AP2A1: variants seen among roughly 807,000 people sequenced by gnomAD.
AP2A1 encodes the protein adaptor related protein complex 2 subunit alpha 1, also known as AP-2 complex subunit alpha-1.
AP2A1 carries 21 observed loss-of-function variants against 107.3 expected under a neutral mutation model. That is an observed-to-expected ratio of 0.20 (90% CI 0.14 to 0.28). The LOEUF is 0.28. AP2A1 is among the 10% of genes least tolerant of loss of function. The pLI, the probability that AP2A1 is intolerant of heterozygous loss-of-function variation, is 1.00. For synonymous variants in AP2A1, 602 were observed against 564.8 expected (o/e 1.07, Z -0.93); for missense variants, 873 against 1,307.7 (o/e 0.67, Z 5.13).
intron 1 of AP2A1, among the ~76,000 whole-genome samples, chr19:49,777,385 T>C (rs186413325): frequency 2.6e-5 from 4 of 151,588 alleles, no homozygotes; most frequent in East Asian, 2.0e-4. Context: ...CCTGTAATCA[T>C]AGCACTTTGG....
At chr19:49,786,660 GCTAAGAA>G (rs1484083203) in intron 4 of AP2A1, among the ~76,000 whole-genome samples, 2 of 152,218 alleles carry the variant, frequency 1.3e-5, no homozygotes, top group African/African-American at 4.8e-5. Context: ...GACTCAGAAT[GCTAAGAA>G]CTTTGATGGA....
chr19:49,800,090 G>C lies in AP2A1; in HGVS notation c.1395G>C (p.Val465=). Residue 465 remains valine, a synonymous_variant, in exon 11 of 23, where the codon GTG becomes GTC. Transcript: ENST00000354293. ...DYVSEEVWYR[V]LQIVTNRDDV... is the part of the protein sequence containing the mutation. ...TGAGTGAGGAGGTGTGGTACCGTGT[G>C]CTACAGATCGTCACCAACCGTGATG... 2 of 1,613,944 alleles carry C rather than the reference G, an allele frequency of 1.2e-6. No individual in the cohort carries two copies. Among genetic ancestry groups the C allele is most frequent in the Non-Finnish European group, 8.5e-7 (1 of 1,179,838 alleles).
At chr19:49,781,718 C>T (rs750176086) in intron 1 of AP2A1, 39 bp from the exon 2 acceptor site, 30 of 1,558,500 alleles carry the variant, frequency 1.9e-5, no homozygotes, top group African/African-American at 4.1e-5. Flanking sequence ...GGCTGACTCC[C>T]CAGACCCCTC....
chr19:49,806,019 G>C, intron 21 of AP2A1, 78 bp downstream of exon 21: 1 of 1,611,278 alleles, frequency 6.2e-7, no homozygotes. Flanking sequence ...CTGTAAAGTG[G>C]GGCCAATTCC....
chr19:49,796,036 G>A (rs1029064078), intron 7 of AP2A1: 2 of 342,550 alleles, frequency 5.8e-6, no homozygotes, highest in Admixed American at 4.4e-5. Flanking sequence ...TTATAGATGA[G>A]GAATCTGAGG....
rs76596279 is a variant in AP2A1, at chr19:49,787,925, C to T, written c.474-4010C>T. 3.8e-3 allele frequency among the ~76,000 whole-genome samples: 574 copies of T among 152,224 alleles called. 3 individuals are homozygous for T. The highest frequency in any genetic ancestry group is 0.012 in the African/African-American group (509 of 41,528). ...TTCTTCCACTCAACAAGATGTTTTT[C>T]AGGTTCATCCACATTGTGGTGCATA... On this transcript the variant is annotated intron_variant, in intron 4 of 22. Coordinates refer to ENST00000354293, the MANE Select transcript of AP2A1 (RefSeq NM_130787.3).
intron 1 of AP2A1, among the ~76,000 whole-genome samples, chr19:49,775,942 G>A (rs1051314863): frequency 1.3e-5 from 2 of 152,172 alleles, no homozygotes; most frequent in African/African-American, 4.8e-5. Flanking sequence ...GGGCTTACAT[G>A]TTTAGGGAAG....
In AP2A1 at chr19:49,802,123, C is replaced by G; in HGVS notation, c.2096C>G (p.Pro699Arg). The G allele has an allele frequency of 1.1e-5, 18 of 1,575,546 alleles. No homozygotes were observed. The highest frequency in any genetic ancestry group is 1.8e-5 in the Admixed American group (1 of 56,478). ...GCCCAGCCCAGCCTGGGGCCCACCC[C>G]CGAGGAGGCCTTCCTCAGGTAGCAC... is the stretch of plus-strand genomic sequence containing the variant. ...PAAQPSLGPT[P>R]EEAFLSPGPE... is the part of the protein sequence containing the mutation. The change falls in exon 15 of 23, where the codon CCC (proline) becomes CGC (arginine). Residue 699 changes from proline (P) to arginine (R), a missense_variant. Around this residue, in one of 4 missense-constraint regions of AP2A1, gnomAD observed 416 missense variants for 473.4 expected, o/e 0.88. Coordinates refer to ENST00000354293, the MANE Select transcript of AP2A1 (RefSeq NM_130787.3).
At position 49,788,013 on chromosome 19, in the gene AP2A1, C is replaced by T. The variant is rs2073095444; in HGVS notation, c.474-3922C>T. ...CCAGGCTGGAGTGCAGTGGCATGAT[C>T]ATAGCTAACTGCAGCCCTGACCTCC... On this transcript the variant is annotated intron_variant, in intron 4 of 22. Coordinates refer to ENST00000354293, the MANE Select transcript of AP2A1 (RefSeq NM_130787.3). The surrounding 1 kb of genome is among the most constrained non-coding windows in gnomAD (Gnocchi z 4.5). 6.6e-6 allele frequency among the ~76,000 whole-genome samples: 1 copy of T among 152,224 alleles called. No individual in the cohort carries two copies. Among genetic ancestry groups the T allele is most frequent in the South Asian group, 2.1e-4 (1 of 4,832 alleles).
At position 49,767,160 on chromosome 19, in the gene AP2A1, G is replaced by C. The variant is rs983840372; in HGVS notation, c.27G>C (p.Gly9=). ...TGCCGGCCGTGTCCAAGGGCGATGG[G>C]ATGCGGGGGCTCGCGGTGTTCATCT... MPAVSKGD[G]MRGLAVFISD... Residue 9 remains glycine (G), a synonymous_variant, in exon 1 of 23, where the codon GGG becomes GGC. Coordinates refer to ENST00000354293, the MANE Select transcript of AP2A1 (RefSeq NM_130787.3). The C allele has an allele frequency of 3.7e-6, 6 of 1,612,048 alleles. No individual in the cohort carries two copies. The African/African-American group carries it at 6.7e-5, about 18-fold the overall frequency.
chr19:49,770,219 G>A (rs2123657695), intron 1 of AP2A1, among the ~76,000 whole-genome samples: 1 of 152,252 alleles, frequency 6.6e-6, no homozygotes, highest in East Asian at 1.9e-4. Flanking sequence ...GGGATTTGAT[G>A]ATGGGGGTTG....
intron 6 of AP2A1, 48 bp from the exon 7 acceptor site, chr19:49,795,582 G>A (rs1298386263): frequency 1.4e-6 from 1 of 692,052 alleles, no homozygotes; most frequent in Non-Finnish European, 2.7e-6. Context: ...GGACCCACGT[G>A]CCCCTCCCAC....
intron 4 of AP2A1, among the ~76,000 whole-genome samples, chr19:49,789,438 G>A (rs1231004296): frequency 3.3e-5 from 5 of 151,988 alleles, no homozygotes; most frequent in African/African-American, 7.3e-5. Flanking sequence ...TTTCAGGCAC[G>A]TGCCACCATG....
intron 8 of AP2A1, 86 bp from the exon 9 acceptor site, chr19:49,799,241 G>C: frequency 4.8e-6 from 7 of 1,456,940 alleles, no homozygotes; most frequent in Non-Finnish European, 6.5e-6. Flanking sequence ...CTTGGGGGCT[G>C]TGAGATGGGT....
intron 1 of AP2A1, among the ~76,000 whole-genome samples, chr19:49,780,550 C>T (rs908025252): frequency 6.6e-6 from 1 of 152,016 alleles, no homozygotes; most frequent in African/African-American, 2.4e-5. Flanking sequence ...CTTGATGGGC[C>T]GTGGAGTGGA....
At chr19:49,774,024 GA>G (rs933152694) in intron 1 of AP2A1, among the ~76,000 whole-genome samples, 1 of 7,754 alleles carries the variant, frequency 1.3e-4, no homozygotes, top group African/African-American at 1.7e-3. Flanking sequence ...GGGAGCCATG[GA>G]AGGGGTTTGG....
In AP2A1 at chr19:49,771,851, AG is replaced by A. The variant is rs796920839; in HGVS notation, c.67+4652del. 2.0e-5 allele frequency among the ~76,000 whole-genome samples: 3 copies of A among 151,954 alleles called. No individual in the cohort carries two copies. The South Asian group carries it at 6.2e-4, about 32-fold the overall frequency. On this transcript the variant is annotated intron_variant, in intron 1 of 22. Coordinates refer to ENST00000354293, the MANE Select transcript of AP2A1 (RefSeq NM_130787.3). ...GCTTTGCTTCACAAGAGACCTTTGG[AG>A]CTGTGTGGGCAGGAAGTAGGGGAGT...
chr19:49,801,658 C>T (rs778739572), intron 13 of AP2A1, 37 bp downstream of exon 13: 3 of 1,397,268 alleles, frequency 2.1e-6, no homozygotes, highest in South Asian at 1.3e-5. Context: ...CCCTCTTGCA[C>T]ACCCCCTTCC....
chr19:49,784,710 A>G (rs1472722051), intron 4 of AP2A1, among the ~76,000 whole-genome samples: 2 of 152,032 alleles, frequency 1.3e-5, no homozygotes, highest in Non-Finnish European at 2.9e-5. Context: ...TATTGCCACA[A>G]AAACTAAAAT....
Sources: gnomAD v4.1 joint callset for allele counts (sites outside exome capture counted in the v4.1 genomes callset) on GRCh38, gnomAD v4.1.1 for gene constraint, gnomAD v4.1.1 regional missense constraint, Gnocchi (gnomAD v3.1) non-coding constraint, MANE v1.5 for transcripts, NCBI Gene and HGNC (gene_info 2026-07-23, HGNC 2026-07-21) for gene names.